UTP20: variants seen among roughly 807,000 people sequenced by gnomAD.
UTP20 encodes small subunit processome component 20 homolog.
In UTP20, 164 loss-of-function variants were observed where a neutral mutation model predicts 329.5. The observed-to-expected ratio is 0.50, with a 90% CI of 0.44 to 0.57. UTP20 has a LOEUF of 0.57. Among genes scored for constraint, UTP20 ranks in the 20% least tolerant of loss-of-function variants. The probability of loss-of-function intolerance (pLI) is 0.00; values close to 1 mark genes in which losing one functional copy is unlikely to be tolerated. For synonymous variants in UTP20, 1,151 were observed against 1,159.3 expected, an observed-to-expected ratio of 0.99 and a Z score of 0.14; for missense variants, 3,055 against 3,284.2, an observed-to-expected ratio of 0.93 and a Z score of 1.71.
At chr12:101,293,266 G>A (rs772191986) in intron 11 of UTP20, 21 bp downstream of exon 11, 32 of 1,603,158 alleles carry the variant, frequency 2.0e-5, no homozygotes, top group East Asian at 8.9e-5. Context: ...TACTAAGTTC[G>A]GAGTATTTTT....
chr12:101,371,021 AC>A, intron 50 of UTP20, 36 bp from the exon 51 acceptor site: 1 of 1,590,550 alleles, frequency 6.3e-7, no homozygotes, highest in South Asian at 1.1e-5. Context: ...GCAGCAAAAC[AC>A]ATGAAATGAG....
intron 48 of UTP20, among the ~76,000 whole-genome samples, chr12:101,368,582 A>C (rs1870176369): frequency 6.6e-6 from 1 of 152,160 alleles, no homozygotes; most frequent in Admixed American, 6.5e-5. Flanking sequence ...ATGTCACTGG[A>C]TCCTCACAAC....
rs1284127014 is a variant in UTP20, at chr12:101,369,788, A to C, written c.6452A>C (p.Lys2151Thr). 1 of 1,612,058 alleles carries C rather than the reference A, an allele frequency of 6.2e-7. No homozygotes were observed. The highest frequency in any genetic ancestry group is 1.7e-5 in the Admixed American group (1 of 60,026). The change falls in exon 49 of 62, where the codon AAA becomes ACA. Residue 2151 changes from lysine to threonine, a missense_variant. Physicochemically the swap from Lys to Thr is moderately conservative, Grantham distance 78 (BLOSUM62 -1). Coordinates refer to ENST00000261637, the MANE Select transcript of UTP20 (RefSeq NM_014503.3). ...LRFPLPSIET[K>T]AEQLTKHLFL... Reference sequence around the variant, plus strand: ...TTCCCGCTACCTTCCATAGAAACAAAAGCAGAGCAGCTGACAAAACACCTC... The same window carrying C: ...TTCCCGCTACCTTCCATAGAAACAACAGCAGAGCAGCTGACAAAACACCTC...
Position 101,308,166 on chromosome 12 carries a change from G to C in UTP20, c.1996-19G>C. ...AAAATACTGACTGGTCTTCTCCATG[G>C]TTTTCTCTGGTTATTCAGGATGATG... On this transcript the variant is annotated intron_variant, in intron 17 of 61. Coordinates refer to ENST00000261637, the MANE Select transcript of UTP20 (RefSeq NM_014503.3). 6.4e-7 allele frequency: 1 copy of C among 1,573,668 alleles called. No homozygotes were observed. Among genetic ancestry groups the C allele is most frequent in the Non-Finnish European group, 8.6e-7 (1 of 1,161,666 alleles).
intron 51 of UTP20, 47 bp downstream of exon 51, chr12:101,371,215 C>T (rs1870277022): frequency 2.2e-6 from 3 of 1,388,412 alleles, no homozygotes; most frequent in Non-Finnish European, 3.0e-6. Context: ...GGCCCTGCCG[C>T]ATCTTTGTGG....
intron 22 of UTP20, among the ~76,000 whole-genome samples, chr12:101,318,067 T>A (rs1873031994): frequency 6.6e-6 from 1 of 152,126 alleles, no homozygotes; most frequent in Non-Finnish European, 1.5e-5. Context: ...TGTTAGCAAT[T>A]TTTTTTTCCT....
At chr12:101,380,685 A>C (rs995252879) in intron 57 of UTP20, among the ~76,000 whole-genome samples, 1 of 152,034 alleles carries the variant, frequency 6.6e-6, no homozygotes, top group African/African-American at 2.4e-5. Flanking sequence ...CAACATGGCG[A>C]AACCCCATCA....
intron 15 of UTP20, among the ~76,000 whole-genome samples, chr12:101,303,918 A>G (rs1008440806): frequency 6.6e-6 from 1 of 152,248 alleles, no homozygotes; most frequent in African/African-American, 2.4e-5. Context: ...TGACATCACC[A>G]CATTTACCAT....
At chr12:101,308,632 G>T (rs904881423) in intron 18 of UTP20, among the ~76,000 whole-genome samples, 1 of 151,926 alleles carries the variant, frequency 6.6e-6, no homozygotes, top group African/African-American at 2.4e-5. Context: ...CCTGAGTGAC[G>T]CAGGTAGGTA....
intron 38 of UTP20, among the ~76,000 whole-genome samples, chr12:101,347,390 G>A (rs549532061): frequency 8.5e-5 from 13 of 152,106 alleles, no homozygotes; most frequent in Non-Finnish European, 1.8e-4. Flanking sequence ...AGGCATGGTG[G>A]TGCATGCCTG....
At position 101,338,880 on chromosome 12, in the gene UTP20, A is replaced by AT; in HGVS notation, c.3936_3937insT (p.Thr1313TyrfsTer14). 6.2e-7 allele frequency: 1 copy of AT among 1,612,274 alleles called. No homozygotes were observed. Among genetic ancestry groups the AT allele is most frequent in the South Asian group, 1.1e-5 (1 of 90,782 alleles). On this transcript the variant is annotated frameshift_variant, in exon 31 of 62. Coordinates refer to ENST00000261637, the MANE Select transcript of UTP20 (RefSeq NM_014503.3). LOFTEE classifies it high-confidence loss of function. Reference sequence around the variant, plus strand: ...CTGCAATTCTTCAGTATCTCAGCAAAACCACAATAAGCGCAGAAAAGGTGA... The same window carrying AT: ...CTGCAATTCTTCAGTATCTCAGCAAATACCACAATAAGCGCAGAAAAGGTGA...
In UTP20 at chr12:101,305,981, T is replaced by C; in HGVS notation, c.1848T>C (p.Cys616=). The C allele has an allele frequency of 6.2e-7, 1 of 1,614,100 alleles. No homozygotes were observed. The highest frequency in any genetic ancestry group is 8.5e-7 in the Non-Finnish European group (1 of 1,179,974). ...TCTATTATCAGAGATTAGCCTTGTG[T>C]GGCTGCAAAGGGCCACTTTCCCAGG... ...TDLYYQRLAL[C]GCKGPLSQEA... is the part of the protein sequence containing the mutation. The change falls in exon 16 of 62, where the codon TGT becomes TGC. Residue 616 remains cysteine (C), a synonymous_variant. Coordinates refer to ENST00000261637, the MANE Select transcript of UTP20 (RefSeq NM_014503.3).
chr12:101,307,200 T>G (rs1872663463), intron 17 of UTP20, among the ~76,000 whole-genome samples: 1 of 148,804 alleles, frequency 6.7e-6, no homozygotes, highest in African/African-American at 2.5e-5. Context: ...AAAAATTGAT[T>G]TTTTTTTTTT....
Position 101,317,780 on chromosome 12 carries a change from A to C in UTP20, c.2738+117A>C, listed in dbSNP as rs998857220. On this transcript the variant is annotated intron_variant, in intron 22 of 61. Coordinates refer to ENST00000261637, the MANE Select transcript of UTP20 (RefSeq NM_014503.3). ...AGATAATTATTTACGTAAGCGCTAC[A>C]TCTTCCTGGGATTTTCTTTAACAGC... is the stretch of plus-strand genomic sequence containing the variant. The C allele has an allele frequency of 4.4e-6, 5 of 1,140,942 alleles. No individual in the cohort carries two copies. In the Admixed American group the frequency reaches 1.5e-4, roughly 35 times the overall value. 70.7% of individuals were successfully genotyped at this position (1,140,942 alleles called of 1,614,324 possible).
chr12:101,321,387 C>A (rs1434628534), intron 24 of UTP20, 117 bp from the exon 25 acceptor site: 2 of 1,394,934 alleles, frequency 1.4e-6, no homozygotes, highest in South Asian at 1.4e-5. Context: ...GGATATCAAC[C>A]ATAATATGTA....
intron 38 of UTP20, among the ~76,000 whole-genome samples, chr12:101,348,849 TACAGGC>T (rs1199184312): frequency 6.6e-6 from 1 of 151,154 alleles, no homozygotes; most frequent in African/African-American, 2.4e-5. Flanking sequence ...GTACTGAGAT[TACAGGC>T]ATGAGCCACT....
chr12:101,383,101 G>GATAAA lies in UTP20; in HGVS notation c.7721_7722insAATAA (p.Gln2575IlefsTer6). ...GTATTTACTGGAACTTTATTGTGAG[G>GATAAA]ATAAGCAAAGTAAGATAAAAGAAGA... On this transcript the variant is annotated frameshift_variant, in exon 59 of 62. Coordinates refer to ENST00000261637, the MANE Select transcript of UTP20 (RefSeq NM_014503.3). LOFTEE classifies it high-confidence loss of function. 6.2e-7 allele frequency: 1 copy of GATAAA among 1,613,706 alleles called. No homozygotes were observed. Among genetic ancestry groups the GATAAA allele is most frequent in the Non-Finnish European group, 8.5e-7 (1 of 1,179,822 alleles).
At chr12:101,375,795 T>C (rs746921386) in intron 56 of UTP20, 39 bp downstream of exon 56, 18 of 1,286,886 alleles carry the variant, frequency 1.4e-5, no homozygotes, top group Admixed American at 1.0e-4. Flanking sequence ...AACACATTTG[T>C]TGTCATAGAA....
intron 19 of UTP20, among the ~76,000 whole-genome samples, chr12:101,310,078 T>C (rs1872738639): frequency 6.6e-6 from 1 of 152,244 alleles, no homozygotes; most frequent in South Asian, 2.1e-4. Flanking sequence ...GAAATAACTT[T>C]GAAGGAGTTT....
Sources: gnomAD v4.1 joint callset for allele counts (sites outside exome capture counted in the v4.1 genomes callset) on GRCh38, gnomAD v4.1.1 for gene constraint, MANE v1.5 for transcripts, NCBI Gene and HGNC (gene_info 2026-07-23, HGNC 2026-07-21) for gene names.